Variants in CDH4 observed in about 807,000 individuals in gnomAD.
CDH4 encodes the protein cadherin-4.
CDH4 carries 33 observed loss-of-function variants against 86.0 expected under a neutral mutation model. That is an observed-to-expected ratio of 0.38 (90% CI 0.29 to 0.51). The LOEUF is 0.51. CDH4 is among the 20% of genes least tolerant of loss of function. The probability of loss-of-function intolerance (pLI) is 0.86; values close to 1 mark genes in which losing one functional copy is unlikely to be tolerated. For synonymous variants in CDH4, 555 were observed against 549.4 expected (o/e 1.01, Z -0.14); for missense variants, 1,114 against 1,307.4 (o/e 0.85, Z 2.28).
At chr20:61,478,873 C>T (rs1340787355) in intron 2 of CDH4, among the ~76,000 whole-genome samples, 2 of 152,230 alleles carry the variant, frequency 1.3e-5, no homozygotes, top group Non-Finnish European at 2.9e-5. Flanking sequence ...CTGGGGGCAT[C>T]TTAAACATCC....
chr20:61,803,230 G>GAGC, intron 4 of CDH4, among the ~76,000 whole-genome samples: 1 of 152,266 alleles, frequency 6.6e-6, no homozygotes, highest in East Asian at 1.9e-4. Context: ...GAGTGGCAGG[G>GAGC]AGCAGCCTGG....
At position 61,780,012 on chromosome 20, in the gene CDH4, C is replaced by T. The variant is rs535247539; in HGVS notation, c.576+6830C>T. Among the ~76,000 whole-genome samples, 117 of 152,346 alleles carry T rather than the reference C, an allele frequency of 7.7e-4. 1 individual carries two copies. The highest frequency in any genetic ancestry group is 1.0e-4 in the Non-Finnish European group (7 of 68,038). On this transcript the variant is annotated intron_variant, in intron 4 of 15. Transcript: ENST00000614565. ...CATCCATGTGTGTACAAATGACTCA[C>T]GTGGCAGTCATTCGTTGTCTCATGG...
chr20:61,637,277 G>A (rs114813331), intron 2 of CDH4, among the ~76,000 whole-genome samples: 4,100 of 152,292 alleles, frequency 0.027, 174 homozygotes, highest in African/African-American at 0.093. Context: ...TATCACACGG[G>A]TGTATCTGTT....
rs968682392 is a variant in CDH4 at position 61,479,903 on chromosome 20, G to A, written c.169+224966G>A. Among the ~76,000 whole-genome samples the A allele has an allele frequency of 5.3e-5, 8 of 152,012 alleles. No individual in the cohort carries two copies. In the South Asian group the frequency reaches 1.0e-3, roughly 20 times the overall value. ...TGTTTTTGATAATTATGTTTTCTCC[G>A]GCTGTTTCATTTTAGATACTTTATC... On this transcript the variant is annotated intron_variant, in intron 2 of 15. Transcript: ENST00000614565.
intron 2 of CDH4, among the ~76,000 whole-genome samples, chr20:61,423,263 G>C (rs769758583): frequency 6.6e-6 from 1 of 152,188 alleles, no homozygotes; most frequent in Non-Finnish European, 1.5e-5. Flanking sequence ...AGCTGTGGGC[G>C]GTACTGGTGA....
rs564668942 is a variant in CDH4, at chr20:61,439,654, C to T, written c.169+184717C>T. The stretch of plus-strand genomic sequence containing the variant: ...GCTCCTGTGACCCAGCTGTGGAAGG[C>T]GGGAACATCTCTTCTGCAGGACTGT... On this transcript the variant is annotated intron_variant, in intron 2 of 15. Transcript: ENST00000614565. 3.0e-4 allele frequency among the ~76,000 whole-genome samples: 46 copies of T among 152,332 alleles called. No individual in the cohort carries two copies. The South Asian group carries it at 8.9e-3, about 30-fold the overall frequency.
At chr20:61,411,750 G>C (rs1170755949) in intron 2 of CDH4, among the ~76,000 whole-genome samples, 1 of 152,208 alleles carries the variant, frequency 6.6e-6, no homozygotes, top group African/African-American at 2.4e-5. Flanking sequence ...GGGAGGTTGG[G>C]GGTGTGTCTG....
At position 61,709,624 on chromosome 20, in the gene CDH4, T is replaced by G. The variant is rs1452854854; in HGVS notation, c.170-33939T>G. Among the ~76,000 whole-genome samples the G allele has an allele frequency of 6.0e-5, 9 of 150,790 alleles. No homozygotes were observed. ...TTTTTATCGCTGGCTAATCACAGAG[T>G]GAGCAGAGGTGCATGGCAGAGAAGG... On this transcript the variant is annotated intron_variant, in intron 2 of 15. Coordinates refer to ENST00000614565, the MANE Select transcript of CDH4 (RefSeq NM_001794.5). This position sits in a 1 kb window ranked among gnomAD's most constrained non-coding sequence, Gnocchi z 4.8.
intron 4 of CDH4, among the ~76,000 whole-genome samples, chr20:61,825,290 T>C (rs558922069): frequency 6.6e-6 from 1 of 152,268 alleles, no homozygotes; most frequent in South Asian, 2.1e-4. Context: ...ACGCCTGTAG[T>C]TCCAGCTGCT....
At chr20:61,674,094 C>T (rs1383157549) in intron 2 of CDH4, among the ~76,000 whole-genome samples, 4 of 152,156 alleles carry the variant, frequency 2.6e-5, no homozygotes, top group African/African-American at 7.2e-5. Flanking sequence ...AGACCTTATT[C>T]CCTAGCTTTC....
intron 7 of CDH4, among the ~76,000 whole-genome samples, chr20:61,891,032 C>T (rs1024999411): frequency 2.6e-5 from 4 of 151,966 alleles, no homozygotes; most frequent in African/African-American, 9.7e-5. Context: ...TAGGGGAGCT[C>T]ATTTTGGAAG....
chr20:61,723,373 A>G (rs62197830), intron 2 of CDH4, among the ~76,000 whole-genome samples: 50,188 of 151,866 alleles, frequency 0.33, 9,386 homozygotes, highest in South Asian at 0.44. Flanking sequence ...ACCGTGCGCC[A>G]TGGGGCAAGC....
intron 2 of CDH4, among the ~76,000 whole-genome samples, chr20:61,357,175 C>T (rs374666120): frequency 6.6e-6 from 1 of 152,222 alleles, no homozygotes; most frequent in African/African-American, 2.4e-5. Context: ...TGAGCTGAAA[C>T]CTGCCTCCTG....
At position 61,851,523 on chromosome 20, in the gene CDH4, G is replaced by A. The variant is rs991732478; in HGVS notation, c.733-1231G>A. 9.2e-5 allele frequency among the ~76,000 whole-genome samples: 14 copies of A among 152,320 alleles called. No individual in the cohort carries two copies. The South Asian group carries it at 1.5e-3, about 16-fold the overall frequency. On this transcript the variant is annotated intron_variant, in intron 5 of 15. Coordinates refer to ENST00000614565, the MANE Select transcript of CDH4 (RefSeq NM_001794.5). ...CCGTCTGGCATGGGGCTTCTCTCAC[G>A]GCCACCCTGGGCTGGGTGATGTTTT... is the stretch of plus-strand genomic sequence containing the variant.
At chr20:61,868,712 C>A (rs1983661902) in intron 6 of CDH4, among the ~76,000 whole-genome samples, 1 of 152,210 alleles carries the variant, frequency 6.6e-6, no homozygotes, top group Admixed American at 6.5e-5. Context: ...GGGCAGGTGT[C>A]CCCCCACACT....
chr20:61,547,417 C>CGT, intron 2 of CDH4, among the ~76,000 whole-genome samples: 1 of 151,698 alleles, frequency 6.6e-6, no homozygotes, highest in Non-Finnish European at 1.5e-5. Context: ...GGTTTCACTA[C>CGT]ATTAGCCAGG....
intron 6 of CDH4, among the ~76,000 whole-genome samples, chr20:61,853,928 A>G (rs1408778100): frequency 6.6e-6 from 1 of 152,184 alleles, no homozygotes; most frequent in Non-Finnish European, 1.5e-5. Context: ...CCACCCCTAA[A>G]GTACAAGACA....
intron 2 of CDH4, among the ~76,000 whole-genome samples, chr20:61,320,794 G>C (rs1415699173): frequency 6.6e-6 from 1 of 151,940 alleles, no homozygotes; most frequent in Non-Finnish European, 1.5e-5. Flanking sequence ...TGGGCAAAGG[G>C]AGCAGCGTGC....
At chr20:61,379,210 C>G (rs1479483691) in intron 2 of CDH4, among the ~76,000 whole-genome samples, 1 of 152,102 alleles carries the variant, frequency 6.6e-6, no homozygotes, top group Non-Finnish European at 1.5e-5. Flanking sequence ...ATTCCAAGAT[C>G]TGCTCCTCGG....
Sources: allele counts gnomAD v4.1 joint callset (sites outside exome capture counted in the v4.1 genomes callset), GRCh38; gene constraint gnomAD v4.1.1; non-coding constraint Gnocchi (gnomAD v3.1); transcripts MANE v1.5; gene names NCBI Gene and HGNC (gene_info 2026-07-23, HGNC 2026-07-21).